The following ROBO1 variants were observed in gnomAD, a reference collection of about 807,000 sequenced individuals.
ROBO1 encodes the protein roundabout guidance receptor 1.
Under a neutral mutation model 195.9 loss-of-function variants are expected in ROBO1, and 149 were observed. The ratio of observed to expected loss-of-function variants is 0.76; its 90% CI spans 0.67 to 0.87. The LOEUF (loss-of-function observed/expected upper bound fraction) is 0.87. Ranked by LOEUF, ROBO1 falls within the 40% of genes least tolerant of loss-of-function variation. ROBO1 has a pLI of 0.00. For synonymous variants in ROBO1, 816 were observed against 733.2 expected, an observed-to-expected ratio of 1.11 and a Z score of -1.82; for missense variants, 1,933 against 2,068.3, an observed-to-expected ratio of 0.93 and a Z score of 1.27.
intron 2 of ROBO1, among the ~76,000 whole-genome samples, chr3:79,485,032 G>A (rs943859626): frequency 2.6e-5 from 4 of 151,936 alleles, no homozygotes; most frequent in African/African-American, 4.8e-5. Flanking sequence ...GATTACAGGC[G>A]TGAGCCACCA....
intron 4 of ROBO1, among the ~76,000 whole-genome samples, chr3:78,829,352 CA>C (rs1442425132): frequency 4.6e-5 from 7 of 152,064 alleles, no homozygotes; most frequent in Admixed American, 6.6e-5. Flanking sequence ...ATTTGGAAAA[CA>C]AAATATATTA....
chr3:79,244,979 G>C (rs1370498337), intron 2 of ROBO1, among the ~76,000 whole-genome samples: 3 of 152,020 alleles, frequency 2.0e-5, no homozygotes, highest in Non-Finnish European at 4.4e-5. Flanking sequence ...AGAATATAAG[G>C]AGATTTTCTC....
At chr3:78,656,587 G>C (rs915108386) in intron 18 of ROBO1, among the ~76,000 whole-genome samples, 2 of 151,898 alleles carry the variant, frequency 1.3e-5, no homozygotes, top group Non-Finnish European at 2.9e-5. Context: ...TCCTGACCTC[G>C]TGATTTGCCT....
At chr3:79,607,306 T>C (rs1944520288) in intron 1 of ROBO1, among the ~76,000 whole-genome samples, 1 of 151,288 alleles carries the variant, frequency 6.6e-6, no homozygotes, top group Admixed American at 6.6e-5. Flanking sequence ...ATAATATAAA[T>C]ATTATTTTTA....
intron 4 of ROBO1, among the ~76,000 whole-genome samples, chr3:78,773,590 A>G (rs918448711): frequency 6.6e-6 from 1 of 152,180 alleles, no homozygotes; most frequent in Non-Finnish European, 1.5e-5. Flanking sequence ...ATGATTAAAA[A>G]GTATCATACA....
intron 2 of ROBO1, among the ~76,000 whole-genome samples, chr3:79,154,617 T>C (rs957974978): frequency 2.6e-5 from 4 of 151,766 alleles, no homozygotes; most frequent in Admixed American, 2.6e-4. Flanking sequence ...AGCCTCTTTC[T>C]GGTTTTAGCA....
rs1709456 is a variant in ROBO1, at chr3:78,856,381, G to A, written c.499+82220C>T. Among the ~76,000 whole-genome samples the A allele has an allele frequency of 1.0e-3, 157 of 150,806 alleles. 4 individuals carry two copies. The highest frequency in any genetic ancestry group is 8.9e-5 in the Non-Finnish European group (6 of 67,764). On this transcript the variant is annotated intron_variant, in intron 4 of 30. Coordinates refer to ENST00000464233, the MANE Select transcript of ROBO1 (RefSeq NM_002941.4). ...AAAGTGAATAAACATGTCACCAGAA[G>A]ACTATAGACGCTATCTGAAGCCAAA...
intron 2 of ROBO1, among the ~76,000 whole-genome samples, chr3:79,226,524 AT>A (rs1346468515): frequency 1.3e-5 from 2 of 148,520 alleles, no homozygotes; most frequent in African/African-American, 2.5e-5. Flanking sequence ...TTCAACTTTC[AT>A]TTCATTTTTC....
At chr3:79,578,223 A>T (rs1489202307) in intron 2 of ROBO1, among the ~76,000 whole-genome samples, 1 of 152,214 alleles carries the variant, frequency 6.6e-6, no homozygotes, top group Non-Finnish European at 1.5e-5. Flanking sequence ...ATACATAAAC[A>T]GTTTGACAGT....
chr3:79,063,603 C>T (rs1243119153), intron 3 of ROBO1, among the ~76,000 whole-genome samples: 1 of 151,384 alleles, frequency 6.6e-6, no homozygotes, highest in Non-Finnish European at 1.5e-5. Context: ...TTTTACCTGG[C>T]CTTTGGTACA....
intron 2 of ROBO1, among the ~76,000 whole-genome samples, chr3:79,188,906 C>A (rs896296915): frequency 2.5e-4 from 38 of 151,736 alleles, no homozygotes; most frequent in African/African-American, 9.2e-4. Flanking sequence ...GTCATGAGGG[C>A]AGATCTCTCA....
intron 10 of ROBO1, among the ~76,000 whole-genome samples, chr3:78,675,812 A>C (rs2107753852): frequency 6.6e-6 from 1 of 152,238 alleles, no homozygotes; most frequent in South Asian, 2.1e-4. Context: ...GACAGCTTTG[A>C]AGAGAGCAGT....
At chr3:78,604,272 T>C (rs1057129085) in intron 29 of ROBO1, among the ~76,000 whole-genome samples, 4 of 152,104 alleles carry the variant, frequency 2.6e-5, no homozygotes, top group Non-Finnish European at 5.9e-5. Flanking sequence ...GGTTTCACCA[T>C]GTTGGCCAGG....
chr3:79,668,424 CAA>C (rs59728866), intron 1 of ROBO1, among the ~76,000 whole-genome samples: 86,097 of 148,014 alleles, frequency 0.58, 25,130 homozygotes, highest in South Asian at 0.7. Context: ...CTCTGTGAAG[CAA>C]AAAAAAAAAC....
intron 1 of ROBO1, among the ~76,000 whole-genome samples, chr3:79,652,352 A>G (rs1290305559): frequency 6.6e-6 from 1 of 151,820 alleles, no homozygotes; most frequent in Non-Finnish European, 1.5e-5. Flanking sequence ...TTAGCTTTCT[A>G]CTATTTGCTA....
intron 2 of ROBO1, among the ~76,000 whole-genome samples, chr3:79,548,007 C>T (rs1942335799): frequency 3.9e-5 from 6 of 152,222 alleles, no homozygotes; most frequent in South Asian, 4.1e-4. Context: ...ATGTTGAGGA[C>T]ATATGAGCAA....
At chr3:79,646,076 G>A (rs535899371) in intron 1 of ROBO1, among the ~76,000 whole-genome samples, 2 of 152,110 alleles carry the variant, frequency 1.3e-5, no homozygotes, top group African/African-American at 4.8e-5. Context: ...AAAGATACAC[G>A]AATGGCATTA....
intron 2 of ROBO1, among the ~76,000 whole-genome samples, chr3:79,173,248 G>A (rs1422076520): frequency 2.0e-5 from 3 of 152,158 alleles, no homozygotes; most frequent in African/African-American, 2.4e-5. Flanking sequence ...CACTTGAGGA[G>A]CCCTTCAGCC....
At chr3:79,223,162 C>T (rs1475526455) in intron 2 of ROBO1, among the ~76,000 whole-genome samples, 2 of 152,122 alleles carry the variant, frequency 1.3e-5, no homozygotes, top group African/African-American at 4.8e-5. Flanking sequence ...AACTTGAGAT[C>T]AAGATCCCTT....
Sources: allele counts gnomAD v4.1 joint callset (sites outside exome capture counted in the v4.1 genomes callset), GRCh38; gene constraint gnomAD v4.1.1; transcripts MANE v1.5; gene names NCBI Gene and HGNC (gene_info 2026-07-23, HGNC 2026-07-21).